Variants in NELL1 observed in about 807,000 individuals in gnomAD.
The protein encoded by NELL1 is neural EGFL like 1.
Under a neutral mutation model 107.4 loss-of-function variants are expected in NELL1, and 76 were observed. That is an observed-to-expected ratio of 0.71 (90% CI 0.59 to 0.86). NELL1 has a LOEUF of 0.86. Among genes scored for constraint, NELL1 ranks in the 40% least tolerant of loss-of-function variants. The pLI, the probability that NELL1 is intolerant of heterozygous loss-of-function variation, is 0.00. For synonymous variants in NELL1, 353 were observed against 341.2 expected (o/e 1.03, Z -0.38); for missense variants, 1,024 against 1,005.5 (o/e 1.02, Z -0.25).
chr11:20,842,518 A>G (rs1333763757), intron 3 of NELL1, among the ~76,000 whole-genome samples: 3 of 152,196 alleles, frequency 2.0e-5, no homozygotes. Context: ...CATGAGAACC[A>G]TGAATGGAGG....
chr11:21,397,989 C>T (rs778071428), intron 15 of NELL1, among the ~76,000 whole-genome samples: 6 of 151,012 alleles, frequency 4.0e-5, no homozygotes, highest in African/African-American at 9.7e-5. Flanking sequence ...ACCTAGTCTA[C>T]GATATTTTGT....
At chr11:21,036,715 ATCTC>A (rs890550818) in intron 12 of NELL1, among the ~76,000 whole-genome samples, 2 of 150,096 alleles carry the variant, frequency 1.3e-5, no homozygotes, top group East Asian at 1.9e-4. Context: ...AATTTCAGTG[ATCTC>A]TCTCTCTCTC....
At chr11:20,804,666 T>TTTTTGAATG (rs1295637432) in intron 3 of NELL1, among the ~76,000 whole-genome samples, 1 of 152,246 alleles carries the variant, frequency 6.6e-6, no homozygotes, top group Admixed American at 6.5e-5. Flanking sequence ...TATTTCAGCT[T>TTTTTGAATG]TTTTGAATGT....
chr11:21,445,327 T>C (rs1853396666), intron 15 of NELL1, among the ~76,000 whole-genome samples: 1 of 151,196 alleles, frequency 6.6e-6, no homozygotes, highest in African/African-American at 2.4e-5. Context: ...TTTGTTTTTG[T>C]TTTTTTGGGT....
intron 15 of NELL1, among the ~76,000 whole-genome samples, chr11:21,380,092 G>T (rs1307558375): frequency 1.3e-5 from 2 of 152,058 alleles, no homozygotes; most frequent in African/African-American, 4.8e-5. Context: ...GCAGACAGGA[G>T]AATTATTTAA....
chr11:21,508,094 A>C lies in NELL1; in HGVS notation c.1646-26280A>C, dbSNP rs1460768923. 2.0e-5 allele frequency among the ~76,000 whole-genome samples: 3 copies of C among 152,134 alleles called. No homozygotes were observed. The East Asian group carries it at 5.8e-4, about 29-fold the overall frequency. ...CTACCACAACTGGCCTGCAGAAGTT[A>C]TTTCTTTGAAAATATTTATAATATA... On this transcript the variant is annotated intron_variant, in intron 15 of 19. Coordinates refer to ENST00000357134, the MANE Select transcript of NELL1 (RefSeq NM_006157.5).
At chr11:21,183,249 C>T (rs993293136) in intron 13 of NELL1, among the ~76,000 whole-genome samples, 12 of 151,938 alleles carry the variant, frequency 7.9e-5, no homozygotes, top group Non-Finnish European at 8.8e-5. Flanking sequence ...TATGGACTCT[C>T]TCAAACCAGT....
At chr11:20,845,080 G>C (rs924570834) in intron 3 of NELL1, among the ~76,000 whole-genome samples, 1 of 152,144 alleles carries the variant, frequency 6.6e-6, no homozygotes, top group Non-Finnish European at 1.5e-5. Flanking sequence ...TTATTGCTAA[G>C]GCTGCTTCAG....
At chr11:21,402,142 G>A (rs1329231850) in intron 15 of NELL1, among the ~76,000 whole-genome samples, 1 of 151,802 alleles carries the variant, frequency 6.6e-6, no homozygotes, top group Non-Finnish European at 1.5e-5. Context: ...TTGTCAAGAA[G>A]CAGCCATTGT....
At chr11:20,671,771 A>ATG (rs1565299486) in intron 1 of NELL1, among the ~76,000 whole-genome samples, 2 of 126,158 alleles carry the variant, frequency 1.6e-5, no homozygotes, top group Non-Finnish European at 3.6e-5. Flanking sequence ...TTACAGATTG[A>ATG]TGGGGGGGGT....
At chr11:21,156,088 T>C (rs1234987805) in intron 13 of NELL1, among the ~76,000 whole-genome samples, 1 of 152,124 alleles carries the variant, frequency 6.6e-6, no homozygotes, top group Non-Finnish European at 1.5e-5. Context: ...ATGGTGTTTA[T>C]GCTACTAGCC....
intron 14 of NELL1, among the ~76,000 whole-genome samples, chr11:21,339,317 G>C (rs1460050857): frequency 6.6e-6 from 1 of 152,160 alleles, no homozygotes; most frequent in Non-Finnish European, 1.5e-5. Context: ...AAAGCCAAAG[G>C]ATACTGATGG....
intron 4 of NELL1, among the ~76,000 whole-genome samples, chr11:20,870,491 A>T (rs1209969892): frequency 2.6e-5 from 4 of 151,952 alleles, no homozygotes; most frequent in African/African-American, 4.8e-5. Flanking sequence ...CCAAGAAAGG[A>T]GATAATTAAA....
At chr11:21,216,610 T>G (rs181804866) in intron 13 of NELL1, among the ~76,000 whole-genome samples, 1 of 152,280 alleles carries the variant, frequency 6.6e-6, no homozygotes, top group East Asian at 1.9e-4. Flanking sequence ...AGGGACATCA[T>G]TTTGGAACTT....
At chr11:21,250,205 A>G (rs1214411409) in intron 14 of NELL1, among the ~76,000 whole-genome samples, 3 of 152,324 alleles carry the variant, frequency 2.0e-5, no homozygotes, top group South Asian at 2.1e-4. Flanking sequence ...AAGCATCTTC[A>G]CATATTAAAA....
At chr11:20,798,709 A>G (rs1202939611) in intron 3 of NELL1, among the ~76,000 whole-genome samples, 3 of 152,202 alleles carry the variant, frequency 2.0e-5, no homozygotes, top group Non-Finnish European at 2.9e-5. Flanking sequence ...GGGTGGTGCA[A>G]TGACAGTGAT....
chr11:20,733,971 A>T (rs1462977018), intron 2 of NELL1, among the ~76,000 whole-genome samples: 2 of 152,200 alleles, frequency 1.3e-5, no homozygotes, highest in Admixed American at 1.3e-4. Flanking sequence ...AAAATAAAGG[A>T]AAGCAACAGA....
chr11:21,534,291 T>G lies in NELL1; in HGVS notation c.1646-83T>G, dbSNP rs995937831. On this transcript the variant is annotated intron_variant, in intron 15 of 19. Transcript: ENST00000357134. ...AACAGTTTTAATTGATATGTTGACA[T>G]GAGCATGTTTTAGGCATTTCCTGAA... is the stretch of plus-strand genomic sequence containing the variant. 1.3e-5 allele frequency: 19 copies of G among 1,498,930 alleles called. No homozygotes were observed. In the Admixed American group the frequency reaches 1.7e-4, roughly 13 times the overall value. The allele number at this position is 1,498,930 out of a possible 1,614,324, so 92.9% of individuals were successfully genotyped here. A position where few individuals can be genotyped will look rare whatever the true frequency, so the allele number is the denominator to read the frequency against.
chr11:21,143,247 T>A (rs1175598207), intron 13 of NELL1, among the ~76,000 whole-genome samples: 1 of 152,212 alleles, frequency 6.6e-6, no homozygotes, highest in Non-Finnish European at 1.5e-5. Context: ...TGCAGCAGGA[T>A]GAACTTTTTA....
Sources: allele counts gnomAD v4.1 joint callset (sites outside exome capture counted in the v4.1 genomes callset), GRCh38; gene constraint gnomAD v4.1.1; transcripts MANE v1.5; gene names NCBI Gene and HGNC (gene_info 2026-07-23, HGNC 2026-07-21).